RRBP1: variants seen among roughly 807,000 people sequenced by gnomAD.
RRBP1 encodes the protein ribosome binding protein 1, also known as ribosome-binding protein 1.
RRBP1 carries 94 observed loss-of-function variants against 165.2 expected under a neutral mutation model. The ratio of observed to expected loss-of-function variants is 0.57; its 90% confidence interval spans 0.48 to 0.68. The LOEUF (loss-of-function observed/expected upper bound fraction) is 0.68. RRBP1 is among the 30% of genes least tolerant of loss of function. RRBP1 has a pLI of 0.00. For missense variants in RRBP1, 1,676 were observed against 1,763.0 expected, an observed-to-expected ratio of 0.95 and a Z score of 0.88; for synonymous variants, 680 against 714.5, an observed-to-expected ratio of 0.95 and a Z score of 0.77.
In RRBP1 at chr20:17,627,359, C is replaced by G; in HGVS notation, c.2952G>C (p.Gln984His). 1 of 1,613,726 alleles carries G rather than the reference C, an allele frequency of 6.2e-7. No individual in the cohort carries two copies. Among genetic ancestry groups the G allele is most frequent in the Non-Finnish European group, 8.5e-7 (1 of 1,179,956 alleles). Residue 984 changes from glutamine (Q) to histidine (H), a missense_variant, in exon 11 of 25, where the codon CAG becomes CAC. By Grantham distance (24) the Gln-to-His change is conservative (BLOSUM62 0). Coordinates refer to ENST00000377813, the MANE Select transcript of RRBP1 (RefSeq NM_001365613.2). ...DVQASQAEAD[Q>H]QQTRLKELES... The stretch of plus-strand genomic sequence containing the variant: ...CTTCCCCAGCTTACCGAGTCTGCTG[C>G]TGGTCAGCCTCCGCCTGGCTGGCCT...
intron 6 of RRBP1, among the ~76,000 whole-genome samples, chr20:17,636,111 G>A (rs1255195086): frequency 6.6e-6 from 1 of 152,264 alleles, no homozygotes; most frequent in Non-Finnish European, 1.5e-5. Context: ...CAGGGTGCAG[G>A]CTTCAGACTT....
chr20:17,620,420 T>C (rs1464684896), intron 17 of RRBP1, 50 bp from the exon 18 acceptor site: 1 of 1,523,424 alleles, frequency 6.6e-7, no homozygotes, highest in African/African-American at 1.4e-5. Context: ...TGGGGGTGTC[T>C]CCTTCCGAGG....
At chr20:17,661,252 G>C (rs2036761133) in intron 2 of RRBP1, among the ~76,000 whole-genome samples, 1 of 152,210 alleles carries the variant, frequency 6.6e-6, no homozygotes, top group Non-Finnish European at 1.5e-5. Flanking sequence ...CCTGAAACGT[G>C]TTCAAAAATT....
In RRBP1 at chr20:17,625,528, T is replaced by C; in HGVS notation, c.3038A>G (p.Gln1013Arg). The C allele has an allele frequency of 1.2e-6, 2 of 1,613,874 alleles. No individual in the cohort carries two copies. The highest frequency in any genetic ancestry group is 1.7e-6 in the Non-Finnish European group (2 of 1,179,908). ...AIELREAVEQ[Q>R]KVKNNDLREK... ...CGCACTCACATTGTTCTTCACTTTC[T>C]GCTGCTCGACGGCCTCCCTGAGCTC... The change falls in exon 12 of 25, where the codon CAG becomes CGG. Residue 1013 changes from glutamine (Q) to arginine (R), a missense_variant. By Grantham distance (43) the Gln-to-Arg change is conservative. Coordinates refer to ENST00000377813, the MANE Select transcript of RRBP1 (RefSeq NM_001365613.2).
At chr20:17,634,825 G>A (rs2036219321) in intron 7 of RRBP1, among the ~76,000 whole-genome samples, 1 of 152,204 alleles carries the variant, frequency 6.6e-6, no homozygotes. Context: ...GCAGCTGCTG[G>A]ATCTCACTCC....
intron 7 of RRBP1, among the ~76,000 whole-genome samples, chr20:17,634,637 G>C (rs1278441329): frequency 6.6e-6 from 1 of 152,242 alleles, no homozygotes; most frequent in African/African-American, 2.4e-5. Context: ...CAAGTCTCCT[G>C]GCTTTAGAGC....
intron 12 of RRBP1, 56 bp downstream of exon 12, chr20:17,625,456 G>C (rs371583536): frequency 6.2e-5 from 93 of 1,505,192 alleles, no homozygotes; most frequent in Non-Finnish European, 8.3e-5. Context: ...AACCTTTCCC[G>C]GCCCCACCTG....
In RRBP1 at chr20:17,678,537, T is replaced by A. The variant is rs577374465; in HGVS notation, c.-22+1462A>T. Among the ~76,000 whole-genome samples, 44 of 152,284 alleles carry A rather than the reference T, an allele frequency of 2.9e-4. 1 individual carries two copies. The highest frequency in any genetic ancestry group is 1.1e-3 in the African/African-American group (44 of 41,562). On this transcript the variant is annotated intron_variant, in intron 2 of 24. Transcript: ENST00000377813. ...AGTCAACTGGTTTTGACCTACAGAATGGGCAATTTCATGTGGTTCAACATA... is the reference window on the plus strand; with the variant it reads ...AGTCAACTGGTTTTGACCTACAGAAAGGGCAATTTCATGTGGTTCAACATA...
At chr20:17,637,855 G>GC (rs11481331) in intron 5 of RRBP1, among the ~76,000 whole-genome samples, 7,260 of 152,280 alleles carry the variant, frequency 0.048, 520 homozygotes, top group African/African-American at 0.16. Flanking sequence ...AGCTACAGAA[G>GC]TGGGGGGCGG....
chr20:17,660,422 G>A lies in RRBP1; in HGVS notation c.86C>T (p.Ser29Leu), dbSNP rs757794418. ...TGACGTTTCCTTCATGGAGAAAGTC[G>A]ACACCAGGAAGATGCCAATGGCAGA... ...VVSAIGIFLV[S>L]TFSMKETSYE... The change falls in exon 3 of 25, where the codon TCG becomes TTG. Residue 29 changes from serine (S) to leucine (L), a missense_variant. This residue lies in a region of RRBP1 where 392 missense variants were observed against 382.5 expected (regional missense o/e 1.02). Coordinates refer to ENST00000377813, the MANE Select transcript of RRBP1 (RefSeq NM_001365613.2). 1.1e-5 allele frequency: 17 copies of A among 1,613,910 alleles called. No homozygotes were observed. The highest frequency in any genetic ancestry group is 1.4e-5 in the Non-Finnish European group (16 of 1,180,036).
intron 9 of RRBP1, among the ~76,000 whole-genome samples, chr20:17,629,305 C>A (rs1009571098): frequency 6.6e-6 from 1 of 152,222 alleles, no homozygotes; most frequent in African/African-American, 2.4e-5. Flanking sequence ...CAGGGGCTCT[C>A]GGCCCTCCAT....
At chr20:17,654,720 T>C (rs1399562789) in intron 3 of RRBP1, among the ~76,000 whole-genome samples, 6 of 152,168 alleles carry the variant, frequency 3.9e-5, no homozygotes, top group Non-Finnish European at 8.8e-5. Context: ...TGTGCCATTA[T>C]ATAAACCACC....
Position 17,618,643 on chromosome 20 carries a change from C to T in RRBP1, c.3712G>A (p.Asp1238Asn), listed in dbSNP as rs75003112. ...QLLLESQSQL[D>N]AAKSEAQKQS... Reference sequence around the variant, plus strand: ...TTCTGGGCTTCGCTCTTGGCGGCATCGAGCTGAGATTGAGATTCTAGGAGA... The same window carrying T: ...TTCTGGGCTTCGCTCTTGGCGGCATTGAGCTGAGATTGAGATTCTAGGAGA... Residue 1238 changes from aspartate to asparagine, a missense_variant, in exon 20 of 25, where the codon GAT (aspartate) becomes AAT (asparagine). Transcript: ENST00000377813. 60 of 1,613,982 alleles carry T rather than the reference C, an allele frequency of 3.7e-5. 1 individual carries two copies. In the East Asian group the frequency reaches 7.4e-4, roughly 20 times the overall value.
At chr20:17,621,576 T>C (rs926150124) in intron 15 of RRBP1, 29 bp from the exon 16 acceptor site, 1 of 1,598,728 alleles carries the variant, frequency 6.3e-7, no homozygotes, top group African/African-American at 1.3e-5. Flanking sequence ...GGTGTTTAGT[T>C]AGCCACACAC....
In RRBP1 at chr20:17,627,429, A is replaced by G. The variant is rs111849344; in HGVS notation, c.2929-47T>C. 858 of 1,612,486 alleles carry G rather than the reference A, an allele frequency of 5.3e-4. 5 individuals carry two copies. In the African/African-American group the frequency reaches 0.01, roughly 19 times the overall value. On this transcript the variant is annotated intron_variant, in intron 10 of 24. Coordinates refer to ENST00000377813, the MANE Select transcript of RRBP1 (RefSeq NM_001365613.2). ...CCTTGGTCTCCAGGAGACTCATCTC[A>G]CGCAGCGGGGCTAGTCCACCCACCT...
In RRBP1 at chr20:17,620,712, T is replaced by C; in HGVS notation, c.3507+3A>G. On this transcript the variant is annotated splice_donor_region_variant and intron_variant, in intron 17 of 24. Coordinates refer to ENST00000377813, the MANE Select transcript of RRBP1 (RefSeq NM_001365613.2). Reference sequence around the variant, plus strand: ...GCCGGGAGGCAGGCAGGGCTGCATATACCTTCTGGAGCTCCTCCTCTGCGG... The same window carrying C: ...GCCGGGAGGCAGGCAGGGCTGCATACACCTTCTGGAGCTCCTCCTCTGCGG... 5 of 1,602,836 alleles carry C rather than the reference T, an allele frequency of 3.1e-6. No individual in the cohort carries two copies. The highest frequency in any genetic ancestry group is 4.2e-6 in the Non-Finnish European group (5 of 1,177,862).
chr20:17,616,112 C>T, intron 21 of RRBP1, 103 bp from the exon 22 acceptor site: 1 of 943,828 alleles, frequency 1.1e-6, no homozygotes, highest in Admixed American at 2.4e-5. Context: ...CTAGCTTCCC[C>T]TTTCCCTGCC....
At chr20:17,674,930 A>G (rs2037049222) in intron 2 of RRBP1, among the ~76,000 whole-genome samples, 1 of 152,172 alleles carries the variant, frequency 6.6e-6, no homozygotes, top group Non-Finnish European at 1.5e-5. Context: ...CCCACCTCAC[A>G]CTCATTGGTT....
At chr20:17,673,333 T>C (rs1017549080) in intron 2 of RRBP1, among the ~76,000 whole-genome samples, 9 of 152,316 alleles carry the variant, frequency 5.9e-5, no homozygotes, top group African/African-American at 2.2e-4. Context: ...CCTCCTGACC[T>C]GACAGGGCAG....
Sources: gnomAD v4.1 joint callset for allele counts (sites outside exome capture counted in the v4.1 genomes callset) on GRCh38, gnomAD v4.1.1 for gene constraint, gnomAD v4.1.1 regional missense constraint, MANE v1.5 for transcripts, NCBI Gene and HGNC (gene_info 2026-07-23, HGNC 2026-07-21) for gene names.